Variants in PCDH7 observed in about 807,000 individuals in gnomAD.
PCDH7 encodes protocadherin-7.
Under a neutral mutation model 58.9 loss-of-function variants are expected in PCDH7, and 17 were observed. That is an observed-to-expected ratio of 0.29 (90% CI 0.20 to 0.43). The LOEUF (loss-of-function observed/expected upper bound fraction) is 0.43, where lower values mean the gene tolerates loss of function less well. PCDH7 is among the 20% of genes least tolerant of loss of function. PCDH7 has a pLI of 1.00. For synonymous variants in PCDH7, 664 were observed against 616.4 expected, an observed-to-expected ratio of 1.08 and a Z score of -1.14; for missense variants, 1,274 against 1,441.0, an observed-to-expected ratio of 0.88 and a Z score of 1.88.
At chr4:30,830,019 CTTAT>C (rs1729577893) in intron 1 of PCDH7, among the ~76,000 whole-genome samples, 1 of 152,060 alleles carries the variant, frequency 6.6e-6, no homozygotes, top group Non-Finnish European at 1.5e-5. Context: ...ATTTTTAAAA[CTTAT>C]TTATTCTGCT....
intron 1 of PCDH7, among the ~76,000 whole-genome samples, chr4:30,898,300 G>A (rs34520014): frequency 6.6e-6 from 1 of 152,114 alleles, no homozygotes; most frequent in Non-Finnish European, 1.5e-5. Context: ...TGTAGGGCTG[G>A]CACTCACCCT....
intron 3 of PCDH7, among the ~76,000 whole-genome samples, chr4:31,044,772 G>A (rs915236210): frequency 2.0e-5 from 3 of 151,914 alleles, no homozygotes; most frequent in Admixed American, 2.0e-4. Flanking sequence ...TAATAAGCTT[G>A]GAGTCCTTTC....
At chr4:31,121,771 A>G (rs1281712867) in intron 3 of PCDH7, among the ~76,000 whole-genome samples, 1 of 152,148 alleles carries the variant, frequency 6.6e-6, no homozygotes, top group Non-Finnish European at 1.5e-5. Context: ...AAAATAACCT[A>G]ATTTAGCATA....
chr4:30,758,609 C>A (rs565004221), intron 1 of PCDH7, among the ~76,000 whole-genome samples: 1 of 152,244 alleles, frequency 6.6e-6, no homozygotes, highest in Non-Finnish European at 1.5e-5. Flanking sequence ...TCTCCATCTG[C>A]AATAGCATGA....
chr4:30,886,996 G>T (rs1737897318), intron 1 of PCDH7, among the ~76,000 whole-genome samples: 1 of 109,608 alleles, frequency 9.1e-6, no homozygotes, highest in Non-Finnish European at 1.8e-5. Context: ...GGGGGGAGGG[G>T]GGAGGGATAG....
intron 3 of PCDH7, among the ~76,000 whole-genome samples, chr4:30,952,772 GTT>G (rs1381188753): frequency 6.6e-6 from 1 of 152,044 alleles, no homozygotes; most frequent in Admixed American, 6.6e-5. Context: ...TGTGACAACA[GTT>G]TTTTTGAGAG....
At chr4:31,133,651 G>A (rs1395619744) in intron 3 of PCDH7, among the ~76,000 whole-genome samples, 1 of 152,178 alleles carries the variant, frequency 6.6e-6, no homozygotes, top group African/African-American at 2.4e-5. Flanking sequence ...GAGAACCAAA[G>A]TGAAGCCACA....
chr4:31,008,909 T>G (rs1054817816), intron 3 of PCDH7, among the ~76,000 whole-genome samples: 8 of 152,048 alleles, frequency 5.3e-5, no homozygotes, highest in African/African-American at 1.9e-4. Context: ...ATTTGCAGAG[T>G]TATGTAATTT....
At chr4:30,736,340 A>T (rs1331535152), downstream of PCDH7, among the ~76,000 whole-genome samples, 1 of 152,146 alleles carries the variant, frequency 6.6e-6, no homozygotes, top group African/African-American at 2.4e-5. Flanking sequence ...AATATATTTC[A>T]TTTATTTACC....
chr4:31,096,948 C>G (rs533599074), intron 3 of PCDH7, among the ~76,000 whole-genome samples: 1 of 151,286 alleles, frequency 6.6e-6, no homozygotes, highest in African/African-American at 2.4e-5. Context: ...GATTTTCTGT[C>G]AGTGTGTGCA....
intron 1 of PCDH7, among the ~76,000 whole-genome samples, chr4:30,880,062 T>G (rs2109369927): frequency 6.6e-6 from 1 of 152,246 alleles, no homozygotes; most frequent in Admixed American, 6.5e-5. Context: ...CCAGATTGAC[T>G]CATGGAATAT....
chr4:31,085,369 A>C (rs2109276141), intron 3 of PCDH7, among the ~76,000 whole-genome samples: 1 of 151,792 alleles, frequency 6.6e-6, no homozygotes, highest in African/African-American at 2.4e-5. Context: ...CAGCTGTATG[A>C]CTCCTAAGCC....
chr4:30,935,102 G>A (rs973896207), intron 2 of PCDH7, among the ~76,000 whole-genome samples: 2 of 151,942 alleles, frequency 1.3e-5, no homozygotes, highest in Non-Finnish European at 2.9e-5. Flanking sequence ...TATTGCTGAA[G>A]TATTACTTTA....
At chr4:30,728,718 C>T (rs1028328411) in intron 1 of PCDH7, among the ~76,000 whole-genome samples, 2 of 151,454 alleles carry the variant, frequency 1.3e-5, no homozygotes, top group Non-Finnish European at 3.0e-5. Flanking sequence ...AGATGTAAGA[C>T]CACAAAGTCA....
chr4:31,120,441 CTTTTTTT>C (rs138878762), intron 3 of PCDH7, among the ~76,000 whole-genome samples: 1 of 107,998 alleles, frequency 9.3e-6, no homozygotes, highest in Non-Finnish European at 1.9e-5. Flanking sequence ...CTATTTTTTT[CTTTTTTT>C]TTTTTTTTTG....
intron 3 of PCDH7, among the ~76,000 whole-genome samples, chr4:30,983,514 G>A (rs532276531): frequency 1.3e-5 from 2 of 152,094 alleles, no homozygotes; most frequent in Non-Finnish European, 2.9e-5. Flanking sequence ...CAAAGAAAAA[G>A]CTATTTCAAA....
intron 1 of PCDH7, among the ~76,000 whole-genome samples, chr4:30,849,497 C>T (rs1484289012): frequency 2.5e-5 from 3 of 119,950 alleles, no homozygotes; most frequent in Admixed American, 7.5e-5. Context: ...ATATAAAAAA[C>T]ATGGATGAAC....
intron 2 of PCDH7, among the ~76,000 whole-genome samples, chr4:30,936,960 A>AACACACACACACACAG (rs1745413311): frequency 8.6e-6 from 1 of 116,798 alleles, no homozygotes; most frequent in Non-Finnish European, 2.1e-5. Flanking sequence ...GTTCATTCAG[A>AACACACACACACACAG]ACACACACAC....
intron 3 of PCDH7, among the ~76,000 whole-genome samples, chr4:31,119,130 G>A (rs60159418): frequency 0.15 from 22,215 of 151,790 alleles, 3,322 homozygotes; most frequent in East Asian, 0.69. Context: ...GCTTTTATAT[G>A]TTTTCTTTCT....
Sources: allele counts gnomAD v4.1 joint callset (sites outside exome capture counted in the v4.1 genomes callset), GRCh38; gene constraint gnomAD v4.1.1; transcripts MANE v1.5; gene names NCBI Gene and HGNC (gene_info 2026-07-23, HGNC 2026-07-21).